TRPM2: variants seen among roughly 807,000 people sequenced by gnomAD.
TRPM2 encodes the protein estrogen-responsive element-associated gene 1 protein.
A neutral mutation model predicts 174.0 loss-of-function variants in TRPM2; 161 were observed. That is an observed-to-expected ratio of 0.93 (90% CI 0.81 to 1.05). The LOEUF (loss-of-function observed/expected upper bound fraction) is 1.05. TRPM2 is among the 50% of genes least tolerant of loss of function. TRPM2 has a pLI of 0.00. For synonymous variants in TRPM2, 954 were observed against 861.3 expected, an observed-to-expected ratio of 1.11 and a Z score of -1.88; for missense variants, 2,057 against 2,038.0, an observed-to-expected ratio of 1.01 and a Z score of -0.18.
intron 2 of TRPM2, among the ~76,000 whole-genome samples, chr21:44,358,346 C>T (rs999360599): frequency 1.3e-5 from 2 of 151,788 alleles, no homozygotes; most frequent in Non-Finnish European, 2.9e-5. Flanking sequence ...TCAGAATTCA[C>T]GCGCACATGC....
At position 44,366,762 on chromosome 21, in the gene TRPM2, A is replaced by C. The variant is rs762434062; in HGVS notation, c.432A>C (p.Arg144=). ...GLSQKVKKYV[R]VSQDTPSSVI... is the part of the protein sequence containing the mutation. The stretch of plus-strand genomic sequence containing the variant: ...TTTTCCCTTTCCCGCAGTACGTCCG[A>C]GTCTCCCAGGACACGCCCTCCAGCG... The change falls in exon 4 of 32, where the codon CGA becomes CGC. Residue 144 remains arginine, a synonymous_variant. Coordinates refer to ENST00000397928, the MANE Select transcript of TRPM2 (RefSeq NM_003307.4). The surrounding 1 kb of genome is among the most constrained non-coding windows in gnomAD (Gnocchi z 6.0). 4.3e-6 allele frequency: 7 copies of C among 1,613,428 alleles called. No individual in the cohort carries two copies. The highest frequency in any genetic ancestry group is 1.6e-4 in the Middle Eastern group (1 of 6,082).
At chr21:44,426,829 G>A in intron 26 of TRPM2, 93 bp downstream of exon 26, 1 of 1,521,762 alleles carries the variant, frequency 6.6e-7, no homozygotes, top group Non-Finnish European at 9.1e-7. Flanking sequence ...GCCCAGCCCG[G>A]GGAGGTCCAG....
chr21:44,353,688 T>TG lies in TRPM2; in HGVS notation c.-8dup. ...GCAGCAGGCCTGGTTGCAGCTGGCG[T>TG]GGGGGTCTCAGAATGGAGCCCTCAG... On this transcript the variant is annotated 5_prime_UTR_variant, in exon 1 of 32. Coordinates refer to ENST00000397928, the MANE Select transcript of TRPM2 (RefSeq NM_003307.4). 2 of 1,482,814 alleles carry TG rather than the reference T, an allele frequency of 1.3e-6. No individual in the cohort carries two copies. The highest frequency in any genetic ancestry group is 2.8e-5 in the Admixed American group (1 of 35,376). 91.9% of individuals were successfully genotyped at this position (1,482,814 alleles called of 1,614,324 possible). A position where few individuals can be genotyped will look rare whatever the true frequency, so the allele number is the denominator to read the frequency against.
chr21:44,398,016 C>G, intron 13 of TRPM2, 140 bp downstream of exon 13: 1 of 1,088,074 alleles, frequency 9.2e-7, no homozygotes, highest in South Asian at 2.9e-5. Flanking sequence ...CACGCTTACC[C>G]TGGGGTCCTC....
At position 44,426,748 on chromosome 21, in the gene TRPM2, C is replaced by T. The variant is rs905887768; in HGVS notation, c.3872+12C>T. The T allele has an allele frequency of 6.8e-6, 11 of 1,613,420 alleles. No homozygotes were observed. Among genetic ancestry groups the T allele is most frequent in the Middle Eastern group, 1.7e-4 (1 of 6,014 alleles). Reference sequence around the variant, plus strand: ...GACCCCATGGGAGAGTGAGTATGAGCCGCTGTCCGTGCTCCCAGCTGGCCC... The same window carrying T: ...GACCCCATGGGAGAGTGAGTATGAGTCGCTGTCCGTGCTCCCAGCTGGCCC... On this transcript the variant is annotated intron_variant, in intron 26 of 31. Coordinates refer to ENST00000397928, the MANE Select transcript of TRPM2 (RefSeq NM_003307.4).
At position 44,401,864 on chromosome 21, in the gene TRPM2, G is replaced by T; in HGVS notation, c.2505G>T (p.Trp835Cys). The T allele has an allele frequency of 2.5e-6, 4 of 1,613,844 alleles. No individual in the cohort carries two copies. The highest frequency in any genetic ancestry group is 3.4e-6 in the Non-Finnish European group (4 of 1,180,004). The part of the protein sequence containing the change: ...PSWCECAIYL[W>C]LFSLVCEEMR... ...GGTGCGAGTGTGCCATCTACCTCTG[G>T]CTCTTCTCCTTGGTGTGCGAGGAGA... Residue 835 changes from tryptophan (W) to cysteine (C), a missense_variant, in exon 16 of 32, where the codon TGG becomes TGT. Transcript: ENST00000397928.
Position 44,425,657 on chromosome 21 carries a change from TG to T in TRPM2, c.3638-12del, listed in dbSNP as rs1411566823. On this transcript the variant is annotated splice_polypyrimidine_tract_variant and intron_variant, in intron 24 of 31. Transcript: ENST00000397928. ...GGCTCCGCCTTGCGTCACGTCTTCC[TG>T]ACTGTCCCCAGCCTCCCAGAAGGCC... 6.7e-7 allele frequency: 1 copy of T among 1,494,708 alleles called. No homozygotes were observed. The highest frequency in any genetic ancestry group is 2.5e-5 in the East Asian group (1 of 39,718). 92.6% of individuals were successfully genotyped at this position (1,494,708 alleles called of 1,614,324 possible). A position where few individuals can be genotyped will look rare whatever the true frequency, so the allele number is the denominator to read the frequency against.
Position 44,405,265 on chromosome 21 carries a change from G to A in TRPM2, c.2657+5G>A. ...CGTGGCAGGGCTGACCTGCAGGTGA[G>A]TGGCCTCACCCCGATGGCGGGCCCG... On this transcript the variant is annotated splice_donor_5th_base_variant and intron_variant, in intron 17 of 31. Coordinates refer to ENST00000397928, the MANE Select transcript of TRPM2 (RefSeq NM_003307.4). 3 of 1,612,280 alleles carry A rather than the reference G, an allele frequency of 1.9e-6. No homozygotes were observed. The highest frequency in any genetic ancestry group is 2.5e-6 in the Non-Finnish European group (3 of 1,179,888).
At chr21:44,387,783 A>G (rs1569047258) in intron 9 of TRPM2, among the ~76,000 whole-genome samples, 5 of 152,250 alleles carry the variant, frequency 3.3e-5, no homozygotes, top group Non-Finnish European at 7.3e-5. Context: ...GCCAATAAGC[A>G]CGTGAAAAGA....
In TRPM2 at chr21:44,391,888, C is replaced by T. The variant is rs891128166; in HGVS notation, c.1794+263C>T. ...TGGCCAGGGCCTCTTCTTGCTTGCA[C>T]GTGGCTGCCCTCTTGCTGTGTCTTC... On this transcript the variant is annotated intron_variant, in intron 11 of 31. Coordinates refer to ENST00000397928, the MANE Select transcript of TRPM2 (RefSeq NM_003307.4). This position sits in a 1 kb window ranked among gnomAD's most constrained non-coding sequence, Gnocchi z 5.0. 1.1e-4 allele frequency among the ~76,000 whole-genome samples: 16 copies of T among 152,316 alleles called. No homozygotes were observed. The highest frequency in any genetic ancestry group is 8.5e-4 in the Admixed American group (13 of 15,304).
At chr21:44,420,140 C>T (rs1032633804) in intron 22 of TRPM2, among the ~76,000 whole-genome samples, 1 of 152,072 alleles carries the variant, frequency 6.6e-6, no homozygotes, top group Non-Finnish European at 1.5e-5. Flanking sequence ...TGATGACTTC[C>T]AGTTGAGCCC....
chr21:44,391,626 G>A lies in TRPM2; in HGVS notation c.1794+1G>A. ...GCCCGTTCCCCACGTCAAGCTCAAC[G>A]TGCGTGCTGGTAACGGGGCCCATCC... is the stretch of plus-strand genomic sequence containing the variant. On this transcript the variant is annotated splice_donor_variant, in intron 11 of 31. Coordinates refer to ENST00000397928, the MANE Select transcript of TRPM2 (RefSeq NM_003307.4). LOFTEE classifies it high-confidence loss of function. This position sits in a 1 kb window ranked among gnomAD's most constrained non-coding sequence, Gnocchi z 5.0. The A allele has an allele frequency of 1.9e-6, 3 of 1,567,568 alleles. No homozygotes were observed. Among genetic ancestry groups the A allele is most frequent in the East Asian group, 2.3e-5 (1 of 44,410 alleles).
At chr21:44,394,889 G>A (rs188374754) in intron 11 of TRPM2, among the ~76,000 whole-genome samples, 6 of 152,272 alleles carry the variant, frequency 3.9e-5, no homozygotes, top group Admixed American at 2.6e-4. Flanking sequence ...ACCTGAGTAC[G>A]TGTTTCCTGG....
At chr21:44,383,664 A>G (rs1264778168) in intron 9 of TRPM2, among the ~76,000 whole-genome samples, 1 of 152,238 alleles carries the variant, frequency 6.6e-6, no homozygotes, top group Admixed American at 6.5e-5. Context: ...GATATTATAC[A>G]AATTATCTTC....
intron 9 of TRPM2, among the ~76,000 whole-genome samples, chr21:44,389,787 A>C (rs758806429): frequency 6.6e-6 from 1 of 151,916 alleles, no homozygotes; most frequent in African/African-American, 2.4e-5. Flanking sequence ...TCGGATACAA[A>C]TCGTTCGTCA....
At chr21:44,395,825 G>A (rs1330272860) in intron 12 of TRPM2, among the ~76,000 whole-genome samples, 149 of 8,608 alleles carry the variant, frequency 0.017, 58 homozygotes, top group African/African-American at 0.063. Context: ...GGAGGCTGTG[G>A]AGGGGTGTGG....
At chr21:44,422,131 C>G (rs2050572165) in intron 22 of TRPM2, 1 of 944,022 alleles carries the variant, frequency 1.1e-6, no homozygotes, top group African/African-American at 1.7e-5. Flanking sequence ...AGCTCCTCAG[C>G]CCGTACCAAG....
At chr21:44,387,820 A>G (rs528633212) in intron 9 of TRPM2, among the ~76,000 whole-genome samples, 1 of 152,372 alleles carries the variant, frequency 6.6e-6, no homozygotes, top group African/African-American at 2.4e-5. Flanking sequence ...TCATTAGAGA[A>G]ATGCAGATCA....
intron 29 of TRPM2, among the ~76,000 whole-genome samples, chr21:44,437,455 T>C (rs1378803629): frequency 2.0e-5 from 3 of 152,164 alleles, no homozygotes; most frequent in South Asian, 4.1e-4. Context: ...GGAGGCCACC[T>C]GGGCTCCCCT....
Sources: allele counts gnomAD v4.1 joint callset (sites outside exome capture counted in the v4.1 genomes callset), GRCh38; gene constraint gnomAD v4.1.1; non-coding constraint Gnocchi (gnomAD v3.1); transcripts MANE v1.5; gene names NCBI Gene and HGNC (gene_info 2026-07-23, HGNC 2026-07-21).